Variants in USP37 observed in about 807,000 individuals in gnomAD.
The protein encoded by USP37 is ubiquitin specific peptidase 37.
A neutral mutation model predicts 124.0 loss-of-function variants in USP37; 27 were observed. The ratio of observed to expected loss-of-function variants is 0.22; its 90% CI spans 0.16 to 0.30. USP37 has a LOEUF of 0.30. USP37 is among the 10% of genes least tolerant of loss of function. USP37 has a pLI of 1.00. For missense variants in USP37, 889 were observed against 1,140.4 expected (o/e 0.78, Z 3.17); for synonymous variants, 365 against 388.0 (o/e 0.94, Z 0.70).
intron 15 of USP37, among the ~76,000 whole-genome samples, chr2:218,486,918 G>A (rs573833278): frequency 6.6e-6 from 1 of 152,066 alleles, no homozygotes; most frequent in Admixed American, 6.6e-5. Context: ...AGTAGAGACA[G>A]GGTTTCACCG....
At chr2:218,474,325 C>T (rs1179894352) in intron 20 of USP37, among the ~76,000 whole-genome samples, 1 of 152,050 alleles carries the variant, frequency 6.6e-6, no homozygotes, top group Admixed American at 6.6e-5. Flanking sequence ...AATGAAAATG[C>T]CATCAACCCT....
chr2:218,522,038 C>CTT (rs35206236), intron 10 of USP37, among the ~76,000 whole-genome samples: 63 of 116,780 alleles, frequency 5.4e-4, no homozygotes, highest in African/African-American at 1.4e-3. Context: ...CCACACGTGG[C>CTT]TTTTTTTTTT....
At chr2:218,520,868 T>A (rs1254810440) in intron 10 of USP37, among the ~76,000 whole-genome samples, 1 of 152,180 alleles carries the variant, frequency 6.6e-6, no homozygotes, top group Non-Finnish European at 1.5e-5. Flanking sequence ...AGTTTGGATA[T>A]TTGTCCCTGC....
At chr2:218,529,677 A>G (rs938345256) in intron 10 of USP37, among the ~76,000 whole-genome samples, 2 of 151,958 alleles carry the variant, frequency 1.3e-5, no homozygotes, top group Admixed American at 1.3e-4. Flanking sequence ...GCTGGAGTAC[A>G]GTGGCATAAT....
intron 10 of USP37, among the ~76,000 whole-genome samples, chr2:218,513,986 T>A (rs1690141606): frequency 6.6e-6 from 1 of 151,828 alleles, no homozygotes; most frequent in Non-Finnish European, 1.5e-5. Flanking sequence ...ATTTTTTTTT[T>A]AACTGTATTT....
intron 10 of USP37, among the ~76,000 whole-genome samples, chr2:218,517,123 G>A (rs908459921): frequency 6.6e-6 from 1 of 152,108 alleles, no homozygotes; most frequent in Non-Finnish European, 1.5e-5. Context: ...ATGCATTTTT[G>A]ATATATTGAA....
chr2:218,470,664 TTTC>T (rs1690632754), intron 20 of USP37, among the ~76,000 whole-genome samples: 1 of 152,236 alleles, frequency 6.6e-6, no homozygotes, highest in Admixed American at 6.5e-5. Context: ...CATTCTGAAC[TTTC>T]TTTTAGGTCC....
intron 10 of USP37, among the ~76,000 whole-genome samples, chr2:218,525,037 C>G (rs1308861825): frequency 6.6e-6 from 1 of 152,202 alleles, no homozygotes; most frequent in Non-Finnish European, 1.5e-5. Flanking sequence ...CTACCACATT[C>G]ACTTATTAGC....
At chr2:218,544,430 T>G (rs11678737) in intron 8 of USP37, among the ~76,000 whole-genome samples, 20,856 of 49,734 alleles carry the variant, frequency 0.42, 3,932 homozygotes, top group Middle Eastern at 0.53. Flanking sequence ...TATATATATA[T>G]AGAGAGAGAG....
chr2:218,497,895 A>G (rs1317470870), intron 12 of USP37, 38 bp from the exon 13 acceptor site: 9 of 1,604,856 alleles, frequency 5.6e-6, no homozygotes, highest in Middle Eastern at 3.3e-4. Context: ...CACGTTTTAC[A>G]TGACATGGCG....
At chr2:218,541,895 C>T (rs1415187128) in intron 8 of USP37, among the ~76,000 whole-genome samples, 2 of 152,158 alleles carry the variant, frequency 1.3e-5, no homozygotes, top group African/African-American at 4.8e-5. Context: ...CACCCCTAGA[C>T]TGTGTATTTT....
At chr2:218,455,963 TTGAACCCAGGAGGTGGAGGTTGCAG>T (rs1298611898) in intron 24 of USP37, among the ~76,000 whole-genome samples, 1 of 152,094 alleles carries the variant, frequency 6.6e-6, no homozygotes, top group African/African-American at 2.4e-5. Context: ...GGAGGATTGT[TTGAACCCAGGAGGTGGAGGTTGCAG>T]TGAACCGAGA....
Position 218,495,751 on chromosome 2 carries a change from A to G in USP37, c.1472+9T>C, listed in dbSNP as rs750724153. On this transcript the variant is annotated intron_variant, in intron 14 of 25. Coordinates refer to ENST00000258399, the MANE Select transcript of USP37 (RefSeq NM_020935.3). ...TAAAAAGGGAAATCATTTCTTAGAC[A>G]CTACTTACGCTTTACAAATGATGGA... 6.3e-7 allele frequency: 1 copy of G among 1,584,212 alleles called. No individual in the cohort carries two copies. Among genetic ancestry groups the G allele is most frequent in the Admixed American group, 1.9e-5 (1 of 52,898 alleles).
chr2:218,479,753 G>A lies in USP37; in HGVS notation c.1836-38C>T, dbSNP rs1360043946. ...TAGAAAATATATAATGTATACAAATGAATTATTAAAGATATATATTTAAAT... is the reference window on the plus strand; with the variant it reads ...TAGAAAATATATAATGTATACAAATAAATTATTAAAGATATATATTTAAAT... On this transcript the variant is annotated intron_variant, in intron 17 of 25. Coordinates refer to ENST00000258399, the MANE Select transcript of USP37 (RefSeq NM_020935.3). 4.9e-6 allele frequency: 6 copies of A among 1,213,252 alleles called. No homozygotes were observed. The African/African-American group carries it at 8.0e-5, about 16-fold the overall frequency. The allele number at this position is 1,213,252 out of a possible 1,614,324, so 75.2% of individuals were successfully genotyped here. A position where few individuals can be genotyped will look rare whatever the true frequency, so the allele number is the denominator to read the frequency against.
chr2:218,494,053 TA>T (rs1688943871), intron 14 of USP37, among the ~76,000 whole-genome samples: 1 of 152,238 alleles, frequency 6.6e-6, no homozygotes, highest in Admixed American at 6.5e-5. Context: ...CCAGCTTTTA[TA>T]AGCTGAACCA....
chr2:218,479,467 A>T (rs1691135038), intron 18 of USP37, among the ~76,000 whole-genome samples, 183 bp downstream of exon 18: 1 of 152,220 alleles, frequency 6.6e-6, no homozygotes, highest in Admixed American at 6.5e-5. Context: ...CACTGATTAA[A>T]ATTTGTTATA....
intron 4 of USP37, among the ~76,000 whole-genome samples, chr2:218,554,628 TCC>T (rs1377945582): frequency 6.6e-6 from 1 of 151,714 alleles, no homozygotes; most frequent in Non-Finnish European, 1.5e-5. Flanking sequence ...ACACCTGTAG[TCC>T]CAACTACTCG....
chr2:218,480,325 G>A lies in USP37; in HGVS notation c.1836-610C>T, dbSNP rs753310298. Among the ~76,000 whole-genome samples the A allele has an allele frequency of 2.7e-5, 4 of 150,598 alleles. 1 individual carries two copies. Among genetic ancestry groups the A allele is most frequent in the South Asian group, 4.2e-4 (2 of 4,802 alleles). On this transcript the variant is annotated intron_variant, in intron 17 of 25. Transcript: ENST00000258399. Reference sequence around the variant, plus strand: ...TGACGCAGGAGAATGGCGTGAAGCCGGGAGGCGCAGCTTGCAGTAAGCGGA... The same window carrying A: ...TGACGCAGGAGAATGGCGTGAAGCCAGGAGGCGCAGCTTGCAGTAAGCGGA...
intron 24 of USP37, among the ~76,000 whole-genome samples, chr2:218,455,994 C>T (rs148917687): frequency 0.012 from 1,883 of 152,098 alleles, 45 homozygotes; most frequent in African/African-American, 0.043. Context: ...TGCAGTGAAC[C>T]GAGATAGCAC....
Sources: allele counts gnomAD v4.1 joint callset (sites outside exome capture counted in the v4.1 genomes callset), GRCh38; gene constraint gnomAD v4.1.1; transcripts MANE v1.5; gene names NCBI Gene and HGNC (gene_info 2026-07-23, HGNC 2026-07-21).